Variants in SYNPO2 observed in about 807,000 individuals in gnomAD.
SYNPO2 encodes the protein synaptopodin-2.
SYNPO2 carries 56 observed loss-of-function variants against 85.0 expected under a neutral mutation model. The observed-to-expected ratio is 0.66, with a 90% CI of 0.53 to 0.82. The LOEUF (loss-of-function observed/expected upper bound fraction) is 0.82. Among genes scored for constraint, SYNPO2 ranks in the 40% least tolerant of loss-of-function variants. The pLI is 0.00. For synonymous variants in SYNPO2, 602 were observed against 591.1 expected, an observed-to-expected ratio of 1.02 and a Z score of -0.27; for missense variants, 1,575 against 1,534.2, an observed-to-expected ratio of 1.03 and a Z score of -0.44.
At chr4:118,876,229 C>T (rs561162440) in intron 1 of SYNPO2, among the ~76,000 whole-genome samples, 36 of 152,266 alleles carry the variant, frequency 2.4e-4, no homozygotes, top group Middle Eastern at 3.4e-3. Context: ...ACTTCAATTG[C>T]ACTAGTCTTC....
intron 1 of SYNPO2, among the ~76,000 whole-genome samples, chr4:118,965,941 A>G (rs755366747): frequency 1.0e-4 from 15 of 150,354 alleles, no homozygotes; most frequent in Non-Finnish European, 1.9e-4. Flanking sequence ...AAAAAAAATT[A>G]GCTGGATGGA....
chr4:119,026,869 C>T lies in SYNPO2; in HGVS notation c.500C>T (p.Ala167Val). ...KEETGPSYQRAPQMPDSQRGR... is the reference protein window; with the variant it reads ...KEETGPSYQRVPQMPDSQRGR... The stretch of plus-strand genomic sequence containing the variant: ...GAAACAGGCCCGAGCTACCAAAGGG[C>T]TCCCCAAATGCCTGACTCCCAAAGA... Residue 167 changes from alanine (A) to valine (V), a missense_variant, in exon 3 of 5, where the codon GCT becomes GTT. Physicochemically the swap from Ala to Val is moderately conservative, Grantham distance 64. Around this residue, in one of 3 missense-constraint regions of SYNPO2, gnomAD observed 1,508 missense variants for 1,446.8 expected, o/e 1.04. Coordinates refer to ENST00000307142, the MANE Select transcript of SYNPO2 (RefSeq NM_133477.3). 6.2e-6 allele frequency: 10 copies of T among 1,614,116 alleles called. No individual in the cohort carries two copies. The highest frequency in any genetic ancestry group is 8.5e-6 in the Non-Finnish European group (10 of 1,180,008).
chr4:119,056,676 G>A (rs1482279793), intron 4 of SYNPO2, among the ~76,000 whole-genome samples: 1 of 152,148 alleles, frequency 6.6e-6, no homozygotes, highest in Non-Finnish European at 1.5e-5. Context: ...CACATGAAAG[G>A]AAGCAAAATG....
chr4:118,913,554 A>G (rs1000506135), intron 1 of SYNPO2, among the ~76,000 whole-genome samples: 2 of 136,018 alleles, frequency 1.5e-5, no homozygotes, highest in Non-Finnish European at 3.2e-5. Context: ...GCCTTCTTTC[A>G]TTTATTGTTT....
intron 1 of SYNPO2, among the ~76,000 whole-genome samples, chr4:118,963,418 A>G (rs1286639271): frequency 6.6e-6 from 1 of 152,264 alleles, no homozygotes; most frequent in Non-Finnish European, 1.5e-5. Context: ...AATGCTGAAT[A>G]AATCTGAAAT....
At chr4:118,893,851 G>A (rs1732453947) in intron 1 of SYNPO2, among the ~76,000 whole-genome samples, 1 of 151,504 alleles carries the variant, frequency 6.6e-6, no homozygotes. Context: ...AAAAAAAAAA[G>A]GAGTTTAAAT....
chr4:119,003,588 G>A (rs186713062), intron 1 of SYNPO2, among the ~76,000 whole-genome samples: 252 of 152,220 alleles, frequency 1.7e-3, no homozygotes, highest in African/African-American at 5.9e-3. Context: ...GTATCATCCT[G>A]TTTCTGTTTC....
chr4:119,030,037 C>A lies in SYNPO2; in HGVS notation c.1262C>A (p.Ala421Glu), dbSNP rs757912756. The change falls in exon 4 of 5, where the codon GCG becomes GAG. Residue 421 changes from alanine to glutamate, a missense_variant. By Grantham distance (107) the Ala-to-Glu change is moderately radical. Transcript: ENST00000307142. ...GGTACTGGCGAGCTTGAGCGAGAGG[C>A]GGACGAGGAGGAAGAAGGTGACAAG... ...SYGTGELERE[A>E]DEEEEGDKED... 3 of 1,613,838 alleles carry A rather than the reference C, an allele frequency of 1.9e-6. No homozygotes were observed. Among genetic ancestry groups the A allele is most frequent in the Non-Finnish European group, 1.7e-6 (2 of 1,179,982 alleles).
Position 119,030,877 on chromosome 4 carries a change from A to T in SYNPO2, c.2102A>T (p.Glu701Val). ...STTKPMFTFK[E>V]PKVSPNPELL... is the part of the protein sequence containing the mutation. Reference sequence around the variant, plus strand: ...ACAAAACCCATGTTTACTTTTAAAGAGCCCAAAGTAAGCCCAAATCCTGAA... The same window carrying T: ...ACAAAACCCATGTTTACTTTTAAAGTGCCCAAAGTAAGCCCAAATCCTGAA... Residue 701 changes from glutamate (E) to valine (V), a missense_variant, in exon 4 of 5, where the codon GAG becomes GTG. By Grantham distance (121) the Glu-to-Val change is moderately radical (BLOSUM62 -2). This residue lies in a region of SYNPO2 where 1,508 missense variants were observed against 1,446.8 expected (regional missense o/e 1.04). Transcript: ENST00000307142. 1 of 1,614,228 alleles carries T rather than the reference A, an allele frequency of 6.2e-7. No homozygotes were observed. Among genetic ancestry groups the T allele is most frequent in the South Asian group, 1.1e-5 (1 of 91,084 alleles).
At chr4:118,909,423 T>C (rs921944985) in intron 1 of SYNPO2, among the ~76,000 whole-genome samples, 2 of 152,094 alleles carry the variant, frequency 1.3e-5, no homozygotes, top group African/African-American at 4.8e-5. Context: ...GTGTGAGATA[T>C]GAAGATGCCT....
At chr4:118,882,229 A>C (rs1446807037) in intron 1 of SYNPO2, among the ~76,000 whole-genome samples, 1 of 152,204 alleles carries the variant, frequency 6.6e-6, no homozygotes, top group Non-Finnish European at 1.5e-5. Context: ...AAATTTTAAC[A>C]CTGATTTTGG....
At chr4:119,026,588 G>C in intron 2 of SYNPO2, 39 bp from the exon 3 acceptor site, 1 of 1,537,134 alleles carries the variant, frequency 6.5e-7, no homozygotes, top group African/African-American at 1.4e-5. Context: ...ATGTAACATA[G>C]TCTGATTTAA....
At chr4:119,027,864 T>C (rs539774047) in intron 3 of SYNPO2, among the ~76,000 whole-genome samples, 9 of 146,854 alleles carry the variant, frequency 6.1e-5, no homozygotes, top group Non-Finnish European at 1.2e-4. Context: ...AGCTCTACCA[T>C]TGATATCAAA....
At chr4:118,909,249 G>T (rs981145963) in intron 1 of SYNPO2, among the ~76,000 whole-genome samples, 1 of 152,216 alleles carries the variant, frequency 6.6e-6, no homozygotes, top group Non-Finnish European at 1.5e-5. Context: ...CGGGGGATGA[G>T]AACTGACATA....
At chr4:119,025,196 T>TTC (rs1321240926) in intron 2 of SYNPO2, among the ~76,000 whole-genome samples, 4 of 152,322 alleles carry the variant, frequency 2.6e-5, no homozygotes, top group African/African-American at 9.6e-5. Context: ...ATTGAAACTA[T>TTC]TCTCTTCTCA....
chr4:119,040,965 C>T (rs1390652026), intron 4 of SYNPO2, among the ~76,000 whole-genome samples: 1 of 152,154 alleles, frequency 6.6e-6, no homozygotes, highest in Non-Finnish European at 1.5e-5. Flanking sequence ...AAGAGTGAAA[C>T]CTCGGCCTGA....
chr4:119,011,920 C>CTTTTTT (rs548974684), intron 1 of SYNPO2, among the ~76,000 whole-genome samples: 4 of 109,610 alleles, frequency 3.6e-5, no homozygotes, highest in Non-Finnish European at 5.3e-5. Flanking sequence ...TTTCTATAGA[C>CTTTTTT]TTTTTTTTTT....
chr4:119,005,481 G>A, intron 1 of SYNPO2, among the ~76,000 whole-genome samples: 1 of 144,752 alleles, frequency 6.9e-6, no homozygotes, highest in Admixed American at 7.0e-5. Flanking sequence ...TTATTAAATA[G>A]GGAATCCTTT....
At chr4:118,976,875 C>T (rs184616854) in intron 1 of SYNPO2, among the ~76,000 whole-genome samples, 6,619 of 151,888 alleles carry the variant, frequency 0.044, 453 homozygotes, top group African/African-American at 0.15. Flanking sequence ...GATTGGTGCA[C>T]TCACAAACCT....
Sources: gnomAD v4.1 joint callset for allele counts (sites outside exome capture counted in the v4.1 genomes callset) on GRCh38, gnomAD v4.1.1 for gene constraint, gnomAD v4.1.1 regional missense constraint, MANE v1.5 for transcripts, NCBI Gene and HGNC (gene_info 2026-07-23, HGNC 2026-07-21) for gene names.